Variants in ARHGAP31 observed in about 807,000 individuals in gnomAD.
ARHGAP31 encodes Rho GTPase activating protein 31, also known as rho GTPase-activating protein 31.
ARHGAP31 carries 34 observed loss-of-function variants against 113.9 expected under a neutral mutation model. That is an observed-to-expected ratio of 0.30 (90% CI 0.23 to 0.40). The LOEUF (loss-of-function observed/expected upper bound fraction) is 0.40. Ranked by LOEUF, ARHGAP31 falls within the 10% of genes least tolerant of loss-of-function variation. The probability of loss-of-function intolerance (pLI) is 1.00; values close to 1 mark genes in which losing one functional copy is unlikely to be tolerated. For missense variants in ARHGAP31, 1,548 were observed against 1,767.1 expected (o/e 0.88, Z 2.22); for synonymous variants, 650 against 684.8 (o/e 0.95, Z 0.79).
At chr3:119,370,783 G>A (rs946279708) in intron 3 of ARHGAP31, among the ~76,000 whole-genome samples, 54 of 152,178 alleles carry the variant, frequency 3.5e-4, no homozygotes, top group Non-Finnish European at 5.7e-4. Context: ...TTCTCAAGAC[G>A]TTCCTTTTAT....
chr3:119,399,297 A>G (rs770941672), intron 9 of ARHGAP31, 36 bp downstream of exon 9: 1 of 1,545,770 alleles, frequency 6.5e-7, no homozygotes, highest in South Asian at 1.1e-5. Flanking sequence ...GTTGGAGATT[A>G]CAACTAGGAG....
Position 119,382,523 on chromosome 3 carries a change from T to A in ARHGAP31, c.539+124T>A. The A allele has an allele frequency of 4.7e-6, 4 of 856,912 alleles. No individual in the cohort carries two copies. The South Asian group carries it at 6.5e-5, about 14-fold the overall frequency. 53.1% of individuals were successfully genotyped at this position (856,912 alleles called of 1,614,324 possible). On this transcript the variant is annotated intron_variant, in intron 5 of 11. Coordinates refer to ENST00000264245, the MANE Select transcript of ARHGAP31 (RefSeq NM_020754.4). Reference sequence around the variant, plus strand: ...ACAAATCTGTGGCTTAAGTGGTCATTTATAGCACATATGAATTAAAGGTGA... The same window carrying A: ...ACAAATCTGTGGCTTAAGTGGTCATATATAGCACATATGAATTAAAGGTGA...
At chr3:119,330,200 C>T (rs1423810218) in intron 1 of ARHGAP31, among the ~76,000 whole-genome samples, 1 of 152,176 alleles carries the variant, frequency 6.6e-6, no homozygotes, top group East Asian at 1.9e-4. Flanking sequence ...GTGTATTTTC[C>T]CATGTGCCTC....
At position 119,393,597 on chromosome 3, in the gene ARHGAP31, A is replaced by T; in HGVS notation, c.1006+6A>T. 4 of 1,614,032 alleles carry T rather than the reference A, an allele frequency of 2.5e-6. No homozygotes were observed. Among genetic ancestry groups the T allele is most frequent in the Non-Finnish European group, 3.4e-6 (4 of 1,179,924 alleles). ...GAGAGGACAGAGGCTCTCGGGTAAGAATCAACAGCAATTGTTTTATGATAC... is the reference window on the plus strand; with the variant it reads ...GAGAGGACAGAGGCTCTCGGGTAAGTATCAACAGCAATTGTTTTATGATAC... On this transcript the variant is annotated splice_donor_region_variant and intron_variant, in intron 8 of 11. Coordinates refer to ENST00000264245, the MANE Select transcript of ARHGAP31 (RefSeq NM_020754.4).
At chr3:119,297,801 G>T (rs1448526325) in intron 1 of ARHGAP31, among the ~76,000 whole-genome samples, 2 of 152,120 alleles carry the variant, frequency 1.3e-5, no homozygotes, top group Admixed American at 6.5e-5. Flanking sequence ...ACAAGGCTGG[G>T]TGTGTGGTTT....
chr3:119,390,782 C>T lies in ARHGAP31; in HGVS notation c.683-3C>T. ...ACACTGAGCTCTTCCATTGCCTTTA[C>T]AGAAAACCGGCCCATCATGAAGAGC... On this transcript the variant is annotated splice_polypyrimidine_tract_variant and splice_region_variant and intron_variant, in intron 6 of 11. Coordinates refer to ENST00000264245, the MANE Select transcript of ARHGAP31 (RefSeq NM_020754.4). The T allele has an allele frequency of 6.2e-7, 1 of 1,612,032 alleles. No homozygotes were observed. The highest frequency in any genetic ancestry group is 8.5e-7 in the Non-Finnish European group (1 of 1,179,936).
chr3:119,404,263 T>G (rs1218987764), intron 10 of ARHGAP31, among the ~76,000 whole-genome samples: 1 of 152,240 alleles, frequency 6.6e-6, no homozygotes, highest in Non-Finnish European at 1.5e-5. Context: ...AGACAGTCTG[T>G]TATCCGTTTT....
intron 1 of ARHGAP31, among the ~76,000 whole-genome samples, chr3:119,364,223 G>GGGGTT (rs2080234302): frequency 1.4e-5 from 2 of 147,526 alleles, no homozygotes; most frequent in Non-Finnish European, 3.0e-5. Flanking sequence ...ATCCATGGTT[G>GGGGTT]GGGGTGGGGG....
rs72966429 is a variant in ARHGAP31 at position 119,383,245 on chromosome 3, A to C, written c.682+19A>C. The C allele has an allele frequency of 3.3e-3, 5,379 of 1,613,886 alleles. 111 individuals carry two copies. In the African/African-American group the frequency reaches 0.053, roughly 16 times the overall value. Reference sequence around the variant, plus strand: ...AATGATGGTAAGGACTCCTCCTAGCATACACTCCACCAGCTTATCCTTCTT... The same window carrying C: ...AATGATGGTAAGGACTCCTCCTAGCCTACACTCCACCAGCTTATCCTTCTT... On this transcript the variant is annotated intron_variant, in intron 6 of 11. Transcript: ENST00000264245.
chr3:119,296,596 T>G (rs79294092), intron 1 of ARHGAP31, among the ~76,000 whole-genome samples: 13,336 of 152,206 alleles, frequency 0.088, 763 homozygotes, highest in Non-Finnish European at 0.12. Flanking sequence ...GAGAGTTGCA[T>G]AGGGGTGCTT....
intron 1 of ARHGAP31, among the ~76,000 whole-genome samples, chr3:119,352,588 A>G (rs2080119325): frequency 6.6e-6 from 1 of 151,684 alleles, no homozygotes; most frequent in Admixed American, 6.6e-5. Flanking sequence ...CTTTTCTTCT[A>G]GATTACCTCC....
intron 1 of ARHGAP31, among the ~76,000 whole-genome samples, chr3:119,314,953 T>C (rs552143725): frequency 3.3e-5 from 5 of 152,334 alleles, no homozygotes; most frequent in African/African-American, 9.6e-5. Flanking sequence ...CCCACTGCCA[T>C]AGTGGAAGGA....
At chr3:119,378,550 G>A (rs2080368400) in intron 3 of ARHGAP31, among the ~76,000 whole-genome samples, 1 of 152,202 alleles carries the variant, frequency 6.6e-6, no homozygotes, top group South Asian at 2.1e-4. Context: ...AAAGGAGGGT[G>A]GGGTTAGTGG....
intron 1 of ARHGAP31, among the ~76,000 whole-genome samples, chr3:119,323,524 A>G (rs1188264493): frequency 6.6e-6 from 1 of 151,440 alleles, no homozygotes; most frequent in African/African-American, 2.4e-5. Context: ...AACCACATCC[A>G]GGAAGAGGAG....
intron 1 of ARHGAP31, among the ~76,000 whole-genome samples, chr3:119,364,650 A>G (rs2080238518): frequency 6.6e-6 from 1 of 152,236 alleles, no homozygotes; most frequent in East Asian, 1.9e-4. Flanking sequence ...GAAGATTTGC[A>G]TTTCCAACTT....
rs1341420942 is a variant in ARHGAP31 at position 119,420,240 on chromosome 3, C to G, written c.*3976C>G. ...TGGGCCACATTCTACCACGGCCAGT[C>G]CAATCTGATGACCACATGAATTGGG... is the stretch of plus-strand genomic sequence containing the variant. On this transcript the variant is annotated 3_prime_UTR_variant, in exon 12 of 12. Transcript: ENST00000264245. The G allele has an allele frequency of 2.0e-5, 3 of 152,180 alleles. No homozygotes were observed. 9.4% of individuals were successfully genotyped at this position (152,180 alleles called of 1,614,324 possible).
intron 10 of ARHGAP31, among the ~76,000 whole-genome samples, chr3:119,409,113 A>G (rs570876180): frequency 3.3e-4 from 50 of 152,242 alleles, no homozygotes; most frequent in African/African-American, 1.1e-3. Context: ...GCAGTGGAGG[A>G]TATTTAGCAG....
chr3:119,383,170 T>C lies in ARHGAP31; in HGVS notation c.626T>C (p.Leu209Ser). 1 of 1,614,236 alleles carries C rather than the reference T, an allele frequency of 6.2e-7. No individual in the cohort carries two copies. The highest frequency in any genetic ancestry group is 1.1e-5 in the South Asian group (1 of 91,088). The part of the protein sequence containing the change: ...RVQQVVIEFI[L>S]NHVDQIFNNG... The stretch of plus-strand genomic sequence containing the variant: ...CAGCAGGTGGTGATTGAGTTCATAT[T>C]GAATCATGTAGATCAAATCTTTAAC... The change falls in exon 6 of 12, where the codon TTG becomes TCG. Residue 209 changes from leucine (L) to serine (S), a missense_variant. Physicochemically the swap from Leu to Ser is moderately radical, Grantham distance 145 (BLOSUM62 -2). Coordinates refer to ENST00000264245, the MANE Select transcript of ARHGAP31 (RefSeq NM_020754.4).
intron 10 of ARHGAP31, among the ~76,000 whole-genome samples, chr3:119,408,876 T>C (rs1274551962): frequency 1.3e-5 from 2 of 152,128 alleles, no homozygotes; most frequent in African/African-American, 2.4e-5. Flanking sequence ...TAGATCCAAA[T>C]TGACAGGAGA....
Sources: allele counts gnomAD v4.1 joint callset (sites outside exome capture counted in the v4.1 genomes callset), GRCh38; gene constraint gnomAD v4.1.1; transcripts MANE v1.5; gene names NCBI Gene and HGNC (gene_info 2026-07-23, HGNC 2026-07-21).